PHF3: variants seen among roughly 807,000 people sequenced by gnomAD.
PHF3 encodes the protein PHD finger protein 3.
Under a neutral mutation model 178.4 loss-of-function variants are expected in PHF3, and 41 were observed. That is an observed-to-expected ratio of 0.23 (90% CI 0.18 to 0.30). The LOEUF (loss-of-function observed/expected upper bound fraction) is 0.30. Ranked by LOEUF, PHF3 falls within the 10% of genes least tolerant of loss-of-function variation. PHF3 has a pLI of 1.00. For synonymous variants in PHF3, 842 were observed against 800.5 expected (o/e 1.05, Z -0.88); for missense variants, 2,346 against 2,398.1 (o/e 0.98, Z 0.45).
chr6:63,693,098 G>C (rs747938483), intron 5 of PHF3, among the ~76,000 whole-genome samples: 1 of 152,070 alleles, frequency 6.6e-6, no homozygotes, highest in Non-Finnish European at 1.5e-5. Flanking sequence ...TCTGATACGT[G>C]TTATTACTTT....
At chr6:63,673,230 C>T (rs568198204) in intron 2 of PHF3, among the ~76,000 whole-genome samples, 3 of 151,898 alleles carry the variant, frequency 2.0e-5, no homozygotes, top group African/African-American at 2.4e-5. Flanking sequence ...AGGTGCAGAC[C>T]CAATAAGTAT....
intron 2 of PHF3, among the ~76,000 whole-genome samples, chr6:63,653,985 T>A (rs1339896370): frequency 6.6e-6 from 1 of 152,238 alleles, no homozygotes; most frequent in Non-Finnish European, 1.5e-5. Context: ...TAAATGCTAC[T>A]TGATTGTGGT....
At chr6:63,707,643 C>CTCTA (rs142494588) in intron 13 of PHF3, among the ~76,000 whole-genome samples, 1,797 of 151,014 alleles carry the variant, frequency 0.012, 30 homozygotes, top group African/African-American at 0.042. Context: ...TTCATTTATT[C>CTCTA]TCTATCTGCT....
At chr6:63,701,196 G>A (rs1767459432) in intron 9 of PHF3, among the ~76,000 whole-genome samples, 1 of 152,122 alleles carries the variant, frequency 6.6e-6, no homozygotes, top group Non-Finnish European at 1.5e-5. Context: ...GAAAAATAAA[G>A]TTATTTTCGC....
intron 2 of PHF3, among the ~76,000 whole-genome samples, chr6:63,676,656 T>C (rs1222879735): frequency 2.6e-5 from 4 of 152,200 alleles, no homozygotes; most frequent in African/African-American, 9.6e-5. Context: ...GATCTTGTTA[T>C]AGGACCCTGT....
rs1386286169 is a variant in PHF3 at position 63,685,447 on chromosome 6, A to T, written c.1725A>T (p.Val575=). The change falls in exon 4 of 16, where the codon GTA becomes GTT. Residue 575 remains valine, a synonymous_variant. Coordinates refer to ENST00000262043, the MANE Select transcript of PHF3 (RefSeq NM_001370348.2). ...CTGTGAAAAACCAAGCTCATTCTGT[A>T]CTGAAAAAAACATTACAGGATCAAA... ...VKSVKNQAHS[V]LKKTLQDQTL... The T allele has an allele frequency of 6.2e-7, 1 of 1,613,998 alleles. No homozygotes were observed. Among genetic ancestry groups the T allele is most frequent in the African/African-American group, 1.3e-5 (1 of 74,932 alleles).
intron 11 of PHF3, among the ~76,000 whole-genome samples, chr6:63,704,546 T>TTAA (rs1410093341): frequency 6.6e-6 from 1 of 151,502 alleles, no homozygotes; most frequent in East Asian, 1.9e-4. Context: ...TAATATGCAT[T>TTAA]TAAGCTTCCC....
At chr6:63,660,292 G>A (rs1404977500) in intron 2 of PHF3, among the ~76,000 whole-genome samples, 2 of 151,784 alleles carry the variant, frequency 1.3e-5, no homozygotes, top group Non-Finnish European at 2.9e-5. Flanking sequence ...TGTACTGCAA[G>A]CTACTTGAAC....
chr6:63,718,753 T>C lies in PHF3; in HGVS notation c.*5045T>C, dbSNP rs943070350. 1.3e-5 allele frequency among the ~76,000 whole-genome samples: 2 copies of C among 152,024 alleles called. No homozygotes were observed. The highest frequency in any genetic ancestry group is 2.4e-5 in the African/African-American group (1 of 41,426). On this transcript the variant is annotated 3_prime_UTR_variant, in exon 16 of 16. Transcript: ENST00000262043. ...GCTATTTTAAAGAAAAGGCACACTT[T>C]ATTATGAGAGAACACATGGCCGAAT...
rs967186160 is a variant in PHF3, at chr6:63,635,808, G to A, written c.-368G>A. The A allele has an allele frequency of 1.3e-5, 5 of 393,908 alleles. No homozygotes were observed. Among genetic ancestry groups the A allele is most frequent in the African/African-American group, 8.3e-5 (4 of 48,386 alleles). 24.4% of individuals were successfully genotyped at this position (393,908 alleles called of 1,614,324 possible). A position where few individuals can be genotyped will look rare whatever the true frequency, so the allele number is the denominator to read the frequency against. On this transcript the variant is annotated 5_prime_UTR_variant, in exon 1 of 16. Transcript: ENST00000262043. ...GGCCCCCGGAACGGTAAACAGTGGG[G>A]TCACGTGACACGGCCCCTCTCCAGC...
intron 2 of PHF3, chr6:63,679,772 G>GCTA: frequency 1.8e-6 from 1 of 556,950 alleles, no homozygotes; most frequent in South Asian, 1.5e-5. Flanking sequence ...GTATAATATA[G>GCTA]CTAATACTCT....
intron 2 of PHF3, among the ~76,000 whole-genome samples, chr6:63,651,396 C>T (rs1274394857): frequency 1.3e-5 from 2 of 151,946 alleles, no homozygotes; most frequent in Admixed American, 1.3e-4. Context: ...GAGTTTTTCT[C>T]TGTCATCCAG....
intron 9 of PHF3, chr6:63,702,254 G>A: frequency 9.8e-6 from 2 of 204,282 alleles, no homozygotes; most frequent in Non-Finnish European, 2.0e-5. Flanking sequence ...GACTTCATTT[G>A]CCTCCTGATA....
At chr6:63,706,318 G>T in intron 12 of PHF3, 94 bp downstream of exon 12, 1 of 909,340 alleles carries the variant, frequency 1.1e-6, no homozygotes, top group East Asian at 2.6e-5. Context: ...TGACATTTTG[G>T]GAACCTCTCA....
intron 3 of PHF3, among the ~76,000 whole-genome samples, chr6:63,680,770 T>C (rs1766400921): frequency 6.6e-6 from 1 of 152,024 alleles, no homozygotes; most frequent in African/African-American, 2.4e-5. Context: ...GTATTTCAGG[T>C]ATTCTGTCAT....
chr6:63,702,704 TAATGTTTTTAAAGTAGAGAAAAG>T, intron 10 of PHF3, 65 bp downstream of exon 10: 1 of 1,466,180 alleles, frequency 6.8e-7, no homozygotes, highest in Admixed American at 2.1e-5. Flanking sequence ...TTTATTTGCC[TAATGTTTTTAAAGTAGAGAAAAG>T]AATTTTAAAA....
rs972037775 is a variant in PHF3 at position 63,715,740 on chromosome 6, T to G, written c.*2032T>G. On this transcript the variant is annotated 3_prime_UTR_variant, in exon 16 of 16. Transcript: ENST00000262043. ...AGAGGCAGATCTTGTAACCGCTGAT[T>G]GACTGAAACATTTTATGGAGAATAG... is the stretch of plus-strand genomic sequence containing the variant. Among the ~76,000 whole-genome samples the G allele has an allele frequency of 6.6e-6, 1 of 152,096 alleles. No individual in the cohort carries two copies. Among genetic ancestry groups the G allele is most frequent in the Admixed American group, 6.6e-5 (1 of 15,240 alleles).
chr6:63,669,634 A>G (rs1765823773), intron 2 of PHF3, among the ~76,000 whole-genome samples: 3 of 152,204 alleles, frequency 2.0e-5, no homozygotes, highest in Non-Finnish European at 4.4e-5. Flanking sequence ...ATATTAAAGT[A>G]GTTTTTCTCT....
In PHF3 at chr6:63,655,660, T is replaced by TA. The variant is rs561050828; in HGVS notation, c.244+8865_244+8866insA. On this transcript the variant is annotated intron_variant, in intron 2 of 15. Coordinates refer to ENST00000262043, the MANE Select transcript of PHF3 (RefSeq NM_001370348.2). ...TTATGTATTTCATAGCTTCTTTAAA[T>TA]TATATGCAATATAGCTTAAAAGCAC... is the stretch of plus-strand genomic sequence containing the variant. 4.0e-3 allele frequency among the ~76,000 whole-genome samples: 603 copies of TA among 152,344 alleles called. 4 individuals are homozygous for TA. The highest frequency in any genetic ancestry group is 0.017 in the Middle Eastern group (5 of 294).
Sources: allele counts gnomAD v4.1 joint callset (sites outside exome capture counted in the v4.1 genomes callset), GRCh38; gene constraint gnomAD v4.1.1; transcripts MANE v1.5; gene names NCBI Gene and HGNC (gene_info 2026-07-23, HGNC 2026-07-21).